CDH20: variants seen among roughly 807,000 people sequenced by gnomAD.
The protein encoded by CDH20 is cadherin 20, also known as cadherin-20.
CDH20 carries 29 observed loss-of-function variants against 74.2 expected under a neutral mutation model. The ratio of observed to expected loss-of-function variants is 0.39; its 90% confidence interval spans 0.29 to 0.53. The LOEUF is 0.53. CDH20 is among the 20% of genes least tolerant of loss of function. The pLI, the probability that CDH20 is intolerant of heterozygous loss-of-function variation, is 0.69. For synonymous variants in CDH20, 469 were observed against 405.4 expected (o/e 1.16, Z -1.88); for missense variants, 988 against 1,048.3 (o/e 0.94, Z 0.79).
chr18:61,539,124 T>C lies in CDH20; in HGVS notation c.1509T>C (p.Cys503=). Residue 503 remains cysteine (C), a synonymous_variant, in exon 9 of 12, where the codon TGT becomes TGC. Coordinates refer to ENST00000262717, the MANE Select transcript of CDH20 (RefSeq NM_031891.4). ...CCAGATTCTATGAAGCTTTTGTCTG[T>C]GAGAACGCCAAGGCAGGACAGGTAA... ...EFPRFYEAFV[C]ENAKAGQLIQ... The C allele has an allele frequency of 6.2e-7, 1 of 1,614,026 alleles. No homozygotes were observed. The highest frequency in any genetic ancestry group is 1.1e-5 in the South Asian group (1 of 91,076).
chr18:61,492,439 C>T (rs554146069), intron 2 of CDH20, among the ~76,000 whole-genome samples: 45 of 152,276 alleles, frequency 3.0e-4, no homozygotes, highest in African/African-American at 1.1e-3. Context: ...ATTTAAGTCA[C>T]ATCATGTCAC....
intron 6 of CDH20, among the ~76,000 whole-genome samples, chr18:61,510,062 A>G (rs474087): frequency 0.99 from 150,556 of 152,276 alleles, 74,453 homozygotes; most frequent in Middle Eastern, 1. Flanking sequence ...AAGTAGAGAC[A>G]TGTCATGGCT....
chr18:61,522,729 G>T (rs1912255470), intron 6 of CDH20, among the ~76,000 whole-genome samples: 1 of 152,112 alleles, frequency 6.6e-6, no homozygotes, highest in South Asian at 2.1e-4. Flanking sequence ...ATAGACCAAT[G>T]GAACAGAACA....
rs948970236 is a variant in CDH20 at position 61,520,122 on chromosome 18, C to G, written c.1018-7845C>G. Among the ~76,000 whole-genome samples, 62 of 150,628 alleles carry G rather than the reference C, an allele frequency of 4.1e-4. 2 individuals carry two copies. The highest frequency in any genetic ancestry group is 1.5e-3 in the African/African-American group (61 of 40,382). On this transcript the variant is annotated intron_variant, in intron 6 of 11. Transcript: ENST00000262717. ...ACGAGGTCAGGAGATCAAGACCATC[C>G]TGGCTAACACGATGAAACCCCATCT...
intron 1 of CDH20, among the ~76,000 whole-genome samples, chr18:61,455,670 G>C (rs578196691): frequency 2.6e-4 from 40 of 152,230 alleles, no homozygotes; most frequent in African/African-American, 9.6e-4. Context: ...AAAACCACTG[G>C]AAGGTCATAT....
At chr18:61,469,403 A>ACACACC (rs1484805822) in intron 1 of CDH20, among the ~76,000 whole-genome samples, 8 of 145,394 alleles carry the variant, frequency 5.5e-5, no homozygotes, top group South Asian at 2.2e-4. Context: ...ACACACACAC[A>ACACACC]CCCCTATATA....
At chr18:61,388,929 T>C (rs1816803437) in intron 1 of CDH20, among the ~76,000 whole-genome samples, 2 of 152,182 alleles carry the variant, frequency 1.3e-5, no homozygotes, top group Admixed American at 6.5e-5. Context: ...CACTCTTTAC[T>C]TCACAGGACG....
chr18:61,434,674 T>G (rs1908770358), intron 1 of CDH20, among the ~76,000 whole-genome samples: 1 of 152,088 alleles, frequency 6.6e-6, no homozygotes, highest in Non-Finnish European at 1.5e-5. Context: ...TCACTGTGCC[T>G]GCACCCCAAG....
intron 1 of CDH20, among the ~76,000 whole-genome samples, chr18:61,373,083 T>C (rs914664728): frequency 6.6e-5 from 10 of 152,094 alleles, no homozygotes; most frequent in Admixed American, 2.6e-4. Flanking sequence ...TTGCTAGTAA[T>C]GCTGGCCTCA....
At chr18:61,507,694 A>T in intron 6 of CDH20, 134 bp downstream of exon 6, 1 of 563,566 alleles carries the variant, frequency 1.8e-6, no homozygotes, top group Non-Finnish European at 2.9e-6. Context: ...TTATTTAAAA[A>T]AAAAAACACA....
At chr18:61,336,292 C>T (rs1477538143) in intron 1 of CDH20, among the ~76,000 whole-genome samples, 1 of 152,184 alleles carries the variant, frequency 6.6e-6, no homozygotes, top group Non-Finnish European at 1.5e-5. Flanking sequence ...TTTCCCTCCT[C>T]CATTGGGTAA....
At chr18:61,387,492 C>T (rs564594544) in intron 1 of CDH20, among the ~76,000 whole-genome samples, 1 of 152,144 alleles carries the variant, frequency 6.6e-6, no homozygotes, top group Non-Finnish European at 1.5e-5. Flanking sequence ...TCAGTTTGCT[C>T]AATTCAATAA....
chr18:61,515,757 A>G (rs1190684622), intron 6 of CDH20, among the ~76,000 whole-genome samples: 6 of 132,804 alleles, frequency 4.5e-5, no homozygotes, highest in African/African-American at 1.7e-4. Flanking sequence ...GAAGGGGAAT[A>G]TCACACTCTG....
In CDH20 at chr18:61,536,539, G is replaced by A. The variant is rs1912823868; in HGVS notation, c.1318G>A (p.Asp440Asn). 1 of 1,613,538 alleles carries A rather than the reference G, an allele frequency of 6.2e-7. No homozygotes were observed. The highest frequency in any genetic ancestry group is 8.5e-7 in the Non-Finnish European group (1 of 1,179,478). ...SSDPGRFFYV[D>N]ITTGALMTAR... ...TGACCCTGGAAGATTTTTCTATGTT[G>A]ACATTACAACAGGTGCCCTAATGAC... Residue 440 changes from aspartate (D) to asparagine (N), a missense_variant, in exon 8 of 12, where the codon GAC becomes AAC. Coordinates refer to ENST00000262717, the MANE Select transcript of CDH20 (RefSeq NM_031891.4).
intron 1 of CDH20, among the ~76,000 whole-genome samples, chr18:61,458,689 G>T (rs1909663730): frequency 6.6e-6 from 1 of 152,342 alleles, no homozygotes; most frequent in Non-Finnish European, 1.5e-5. Flanking sequence ...CTTGAAGCTA[G>T]ATTGCACATA....
chr18:61,520,033 A>C lies in CDH20; in HGVS notation c.1018-7934A>C, dbSNP rs1390769997. Among the ~76,000 whole-genome samples, 5 of 150,376 alleles carry C rather than the reference A, an allele frequency of 3.3e-5. No homozygotes were observed. The East Asian group carries it at 9.7e-4, about 29-fold the overall frequency. On this transcript the variant is annotated intron_variant, in intron 6 of 11. Coordinates refer to ENST00000262717, the MANE Select transcript of CDH20 (RefSeq NM_031891.4). The stretch of plus-strand genomic sequence containing the variant: ...ACCAACAAAGATCAAAAAAGACAAA[A>C]AGGCCAGGCGTGGTGGCTCACTCCT...
intron 1 of CDH20, among the ~76,000 whole-genome samples, chr18:61,399,848 A>G (rs529719642): frequency 1.3e-5 from 2 of 152,356 alleles, no homozygotes; most frequent in East Asian, 3.9e-4. Context: ...TGACTCATGT[A>G]TAATGAAATG....
intron 10 of CDH20, among the ~76,000 whole-genome samples, chr18:61,546,762 G>A (rs1181739580): frequency 6.6e-6 from 1 of 152,202 alleles, no homozygotes; most frequent in Non-Finnish European, 1.5e-5. Flanking sequence ...GGCACTGGAT[G>A]ACTATAGTAA....
At chr18:61,346,664 T>G (rs1910123257) in intron 1 of CDH20, among the ~76,000 whole-genome samples, 1 of 152,206 alleles carries the variant, frequency 6.6e-6, no homozygotes, top group Non-Finnish European at 1.5e-5. Context: ...ATGAGGTTAA[T>G]TACATAGTTT....
Sources: gnomAD v4.1 joint callset for allele counts (sites outside exome capture counted in the v4.1 genomes callset) on GRCh38, gnomAD v4.1.1 for gene constraint, MANE v1.5 for transcripts, NCBI Gene and HGNC (gene_info 2026-07-23, HGNC 2026-07-21) for gene names.